ZFHX2: variants seen among roughly 807,000 people sequenced by gnomAD.
ZFHX2 encodes the protein zinc finger homeobox 2.
Under a neutral mutation model 164.8 loss-of-function variants are expected in ZFHX2, and 75 were observed. The observed-to-expected ratio is 0.46, with a 90% CI of 0.38 to 0.55. The LOEUF is 0.55. Among genes scored for constraint, ZFHX2 ranks in the 20% least tolerant of loss-of-function variants. ZFHX2 has a pLI of 0.00. For missense variants in ZFHX2, 2,933 were observed against 3,308.0 expected, an observed-to-expected ratio of 0.89 and a Z score of 2.78; for synonymous variants, 1,217 against 1,351.4, an observed-to-expected ratio of 0.90 and a Z score of 2.18.
Position 23,522,609 on chromosome 14 carries a change from G to A in ZFHX2, c.7072C>T (p.Pro2358Ser). 4 of 1,532,270 alleles carry A rather than the reference G, an allele frequency of 2.6e-6. No individual in the cohort carries two copies. In the South Asian group the frequency reaches 3.6e-5, roughly 14 times the overall value. The allele number at this position is 1,532,270 out of a possible 1,614,324, so 94.9% of individuals were successfully genotyped here. A position where few individuals can be genotyped will look rare whatever the true frequency, so the allele number is the denominator to read the frequency against. The stretch of plus-strand genomic sequence containing the variant: ...AGCTGGGGGCCAAAGACAGCTGGCG[G>A]TGCTGTTCCCCCAGCAGGGGGCAAT... ...FPLPPAGGTA[P>S]PAVFGPQLQG... Residue 2358 changes from proline to serine, a missense_variant, in exon 10 of 10, where the codon CCG becomes TCG. Transcript: ENST00000419474.
Position 23,531,515 on chromosome 14 carries a change from G to A in ZFHX2, c.2766C>T (p.Ile922=), listed in dbSNP as rs530042007. ...TEEGLAALQS[I]LSFSHGQLRT... ...GGAGCTGCCCGTGGCTGAAGCTCAGGATGCTCTGAAGAGCTGCGAGTCCTT... is the reference window on the plus strand; with the variant it reads ...GGAGCTGCCCGTGGCTGAAGCTCAGAATGCTCTGAAGAGCTGCGAGTCCTT... Residue 922 remains isoleucine, a synonymous_variant, in exon 4 of 10, where the codon ATC becomes ATT. Transcript: ENST00000419474. The A allele has an allele frequency of 3.7e-4, 549 of 1,471,858 alleles. 5 individuals are homozygous for A. The South Asian group carries it at 5.4e-3, about 14-fold the overall frequency. 91.2% of individuals were successfully genotyped at this position (1,471,858 alleles called of 1,614,324 possible).
At position 23,526,375 on chromosome 14, in the gene ZFHX2, C is replaced by T. The variant is rs200794204; in HGVS notation, c.3567G>A (p.Arg1189=). The change falls in exon 9 of 10, where the codon CGG becomes CGA. Residue 1189 remains arginine (R), a synonymous_variant. Coordinates refer to ENST00000419474, the MANE Select transcript of ZFHX2 (RefSeq NM_033400.3). ...FALDKFLDPA[R]PYKCTVCKES... ...CCTTACACACAGTGCACTTATAGGG[C>T]CGGGCAGGGTCGAGAAACTTGTCCA... The T allele has an allele frequency of 1.6e-4, 244 of 1,536,194 alleles. No individual in the cohort carries two copies. Among genetic ancestry groups the T allele is most frequent in the Admixed American group, 4.1e-4 (21 of 50,970 alleles).
At chr14:23,529,847 G>A in intron 5 of ZFHX2, 79 bp from the exon 6 acceptor site, 1 of 1,418,818 alleles carries the variant, frequency 7.0e-7, no homozygotes, top group East Asian at 2.5e-5. Context: ...CCAGGGTAGG[G>A]AGTTGGGCAC....
Position 23,534,167 on chromosome 14 carries a change from G to T in ZFHX2, c.1159C>A (p.Pro387Thr), listed in dbSNP as rs1236968646. The change falls in exon 2 of 10, where the codon CCC becomes ACC. Residue 387 changes from proline to threonine, a missense_variant. Pro to Thr is a conservative substitution (Grantham distance 38). Coordinates refer to ENST00000419474, the MANE Select transcript of ZFHX2 (RefSeq NM_033400.3). This position sits in a 1 kb window ranked among gnomAD's most constrained non-coding sequence, Gnocchi z 4.5. ...EGQEEDGGLC[P>T]PLNQSSPTSK... is the part of the protein sequence containing the mutation. The stretch of plus-strand genomic sequence containing the variant: ...GTGGGTGAGCTTTGGTTGAGTGGGG[G>T]GCAGAGCCCTCCATCCTCTTCTTGC... 7 of 1,474,110 alleles carry T rather than the reference G, an allele frequency of 4.7e-6. No individual in the cohort carries two copies. The Admixed American group carries it at 1.6e-4, about 34-fold the overall frequency. The allele number at this position is 1,474,110 out of a possible 1,614,324, so 91.3% of individuals were successfully genotyped here.
In ZFHX2 at chr14:23,521,785, G is replaced by T; in HGVS notation, c.*177C>A. On this transcript the variant is annotated 3_prime_UTR_variant, in exon 10 of 10. Transcript: ENST00000419474. ...GTGTGTCTGTGGGGATTGGGAGGAG[G>T]CAGGACTCTGCTGGAAGTGGGGTGT... The T allele has an allele frequency of 1.8e-6, 2 of 1,130,086 alleles. No homozygotes were observed. Among genetic ancestry groups the T allele is most frequent in the Non-Finnish European group, 2.4e-6 (2 of 823,534 alleles). 70.0% of individuals were successfully genotyped at this position (1,130,086 alleles called of 1,614,324 possible). A position where few individuals can be genotyped will look rare whatever the true frequency, so the allele number is the denominator to read the frequency against.
intron 1 of ZFHX2, chr14:23,548,478 CCT>C (rs1566596158): frequency 2.6e-5 from 4 of 152,182 alleles, no homozygotes; most frequent in Admixed American, 2.6e-4. Flanking sequence ...ACACCAGCTG[CCT>C]CTGACATCAT....
intron 1 of ZFHX2, chr14:23,548,428 C>G (rs933628426): frequency 1.1e-4 from 16 of 152,254 alleles, no homozygotes; most frequent in African/African-American, 3.6e-4. Context: ...TACAGCACCC[C>G]GGCAAAGCAG....
At position 23,534,258 on chromosome 14, in the gene ZFHX2, G is replaced by A; in HGVS notation, c.1068C>T (p.Ser356=). The part of the protein sequence containing the change: ...PSPPTATWDP[S]PTQAKESPVA... The stretch of plus-strand genomic sequence containing the variant: ...CTGGCGATTCTTTGGCTTGGGTTGG[G>A]CTGGGGTCCCAGGTGGCTGTGGGTG... The change falls in exon 2 of 10, where the codon AGC becomes AGT. Residue 356 remains serine, a synonymous_variant. Coordinates refer to ENST00000419474, the MANE Select transcript of ZFHX2 (RefSeq NM_033400.3). This position sits in a 1 kb window ranked among gnomAD's most constrained non-coding sequence, Gnocchi z 4.5. 6.5e-7 allele frequency: 1 copy of A among 1,528,820 alleles called. No individual in the cohort carries two copies. The highest frequency in any genetic ancestry group is 8.8e-7 in the Non-Finnish European group (1 of 1,142,228). 94.7% of individuals were successfully genotyped at this position (1,528,820 alleles called of 1,614,324 possible).
At chr14:23,555,585 C>T (rs1009538184), upstream of ZFHX2, 1 of 152,224 alleles carries the variant, frequency 6.6e-6, no homozygotes, top group African/African-American at 2.4e-5. Flanking sequence ...CTCACCCACT[C>T]TTACCCTCAA....
At chr14:23,530,837 CG>C in intron 4 of ZFHX2, 1 of 232,660 alleles carries the variant, frequency 4.3e-6, no homozygotes, top group South Asian at 5.5e-5. Flanking sequence ...CCCATGCCCT[CG>C]CCCTTGCCCA....
intron 1 of ZFHX2, among the ~76,000 whole-genome samples, chr14:23,549,879 GGATAA>G (rs1881785604): frequency 6.6e-6 from 1 of 152,020 alleles, no homozygotes. Flanking sequence ...TTAAAATGCT[GGATAA>G]GAGGAAAAGG....
Position 23,524,377 on chromosome 14 carries a change from G to C in ZFHX2, c.5565C>G (p.Pro1855=), listed in dbSNP as rs564503151. Residue 1855 remains proline (P), a synonymous_variant, in exon 9 of 10, where the codon CCC becomes CCG. Transcript: ENST00000419474. This position sits in a 1 kb window ranked among gnomAD's most constrained non-coding sequence, Gnocchi z 5.6. ...TGGTGGTGCGCAGGCGCTTGTCCCT[G>C]GGGGGCTCGCCCTCCCCTCCTCCCC... ...EAGGGGEGEP[P]RDKRLRTTIL... is the part of the protein sequence containing the mutation. 2.7e-4 allele frequency: 419 copies of C among 1,536,196 alleles called. 1 individual carries two copies. In the African/African-American group the frequency reaches 5.5e-3, roughly 20 times the overall value.
In ZFHX2 at chr14:23,522,905, G is replaced by A; in HGVS notation, c.6776C>T (p.Thr2259Ile). ...CACTGTGGTGGTAGGCAGGACCGAAGTGGCGAGGCCGAGGAGGCCTGAGGA... is the reference window on the plus strand; with the variant it reads ...CACTGTGGTGGTAGGCAGGACCGAAATGGCGAGGCCGAGGAGGCCTGAGGA... ...AASSGLLGLA[T>I]SVLPTTTVVQ... The change falls in exon 10 of 10, where the codon ACT (threonine) becomes ATT (isoleucine). Residue 2259 changes from threonine to isoleucine, a missense_variant. Physicochemically the swap from Thr to Ile is moderately conservative, Grantham distance 89. Transcript: ENST00000419474. 3 of 1,469,866 alleles carry A rather than the reference G, an allele frequency of 2.0e-6. No individual in the cohort carries two copies. The highest frequency in any genetic ancestry group is 2.7e-6 in the Non-Finnish European group (3 of 1,114,500). 91.1% of individuals were successfully genotyped at this position (1,469,866 alleles called of 1,614,324 possible).
Position 23,523,901 on chromosome 14 carries a change from G to A in ZFHX2, c.6041C>T (p.Pro2014Leu). The change falls in exon 9 of 10, where the codon CCT (proline) becomes CTT (leucine). Residue 2014 changes from proline to leucine, a missense_variant. By Grantham distance (98) the Pro-to-Leu change is moderately conservative. Coordinates refer to ENST00000419474, the MANE Select transcript of ZFHX2 (RefSeq NM_033400.3). This position sits in a 1 kb window ranked among gnomAD's most constrained non-coding sequence, Gnocchi z 4.1. ...PSEEEGPEEP[P>L]KASPESEACS... ...AGCCTCACTCTCTGGAGAAGCTTTA[G>A]GTGGTTCCTCTGGGCCCTCTTCCTC... is the stretch of plus-strand genomic sequence containing the variant. 6.5e-7 allele frequency: 1 copy of A among 1,536,214 alleles called. No individual in the cohort carries two copies. The highest frequency in any genetic ancestry group is 8.7e-7 in the Non-Finnish European group (1 of 1,146,914).
Position 23,534,098 on chromosome 14 carries a change from C to A in ZFHX2, c.1228G>T (p.Glu410Ter). Residue 410 changes from glutamate (E) to a stop codon, truncating the protein, a stop_gained, in exon 2 of 10, where the codon GAA (glutamate) becomes TAA (stop). Transcript: ENST00000419474. LOFTEE classifies it high-confidence loss of function. This position sits in a 1 kb window ranked among gnomAD's most constrained non-coding sequence, Gnocchi z 4.5. ...GTLPAPVGSP[E>*]DPSDPPQPYR... Reference sequence around the variant, plus strand: ...GGCTGGGGTGGGTCACTGGGGTCTTCGGGGGAGCCCACTGGGGCAGGGAGA... The same window carrying A: ...GGCTGGGGTGGGTCACTGGGGTCTTAGGGGGAGCCCACTGGGGCAGGGAGA... The A allele has an allele frequency of 6.7e-7, 1 of 1,496,052 alleles. No individual in the cohort carries two copies. The highest frequency in any genetic ancestry group is 2.1e-5 in the Admixed American group (1 of 47,660). 92.7% of individuals were successfully genotyped at this position (1,496,052 alleles called of 1,614,324 possible). A position where few individuals can be genotyped will look rare whatever the true frequency, so the allele number is the denominator to read the frequency against.
chr14:23,555,288 C>T (rs1358752980), upstream of ZFHX2, among the ~76,000 whole-genome samples: 1 of 152,146 alleles, frequency 6.6e-6, no homozygotes, highest in African/African-American at 2.4e-5. Flanking sequence ...TGTGAGCAAC[C>T]GCACCGGCCT....
Position 23,532,897 on chromosome 14 carries a change from C to G in ZFHX2, c.2229G>C (p.Arg743=). The change falls in exon 3 of 10, where the codon CGG becomes CGC. Residue 743 remains arginine (R), a synonymous_variant. Transcript: ENST00000419474. ...ELLLYHCSIG[R]SLPEAEWKEV... ...CCTTCCATTCAGCTTCCGGGAGGCT[C>G]CGGCCTATGCTGCAGTGGTAGAGCA... The G allele has an allele frequency of 6.5e-7, 1 of 1,536,228 alleles. No individual in the cohort carries two copies. Among genetic ancestry groups the G allele is most frequent in the Non-Finnish European group, 8.7e-7 (1 of 1,146,930 alleles).
chr14:23,554,602 G>A (rs1189998603), upstream of ZFHX2, among the ~76,000 whole-genome samples: 1 of 147,130 alleles, frequency 6.8e-6, no homozygotes, highest in East Asian at 2.0e-4. Flanking sequence ...TGCCCAGGCT[G>A]GTCTCAAACT....
At position 23,533,520 on chromosome 14, in the gene ZFHX2, C is replaced by T. The variant is rs756760597; in HGVS notation, c.1806G>A (p.Gln602=). 3.9e-6 allele frequency: 6 copies of T among 1,536,008 alleles called. No homozygotes were observed. In the Admixed American group the frequency reaches 7.8e-5, roughly 20 times the overall value. The change falls in exon 2 of 10, where the codon CAG becomes CAA. Residue 602 remains glutamine, a synonymous_variant. Coordinates refer to ENST00000419474, the MANE Select transcript of ZFHX2 (RefSeq NM_033400.3). The surrounding 1 kb of genome is among the most constrained non-coding windows in gnomAD (Gnocchi z 4.8). Reference sequence around the variant, plus strand: ...CAGGTGGCAGGCCCAGCGGCAGCCCCTGGTGCAGCATTAGGACATTCTGCA... The same window carrying T: ...CAGGTGGCAGGCCCAGCGGCAGCCCTTGGTGCAGCATTAGGACATTCTGCA... ...KHMQNVLMLH[Q]GLPLGLPPGL...
Sources: allele counts gnomAD v4.1 joint callset (sites outside exome capture counted in the v4.1 genomes callset), GRCh38; gene constraint gnomAD v4.1.1; non-coding constraint Gnocchi (gnomAD v3.1); transcripts MANE v1.5; gene names NCBI Gene and HGNC (gene_info 2026-07-23, HGNC 2026-07-21).